Variants in CCPG1 observed in about 807,000 individuals in gnomAD.
The protein encoded by CCPG1 is cell cycle progression 1.
In CCPG1, 46 loss-of-function variants were observed where a neutral mutation model predicts 81.3. The ratio of observed to expected loss-of-function variants is 0.57; its 90% CI spans 0.45 to 0.72. The LOEUF is 0.72. Among genes scored for constraint, CCPG1 ranks in the 30% least tolerant of loss-of-function variants. The pLI is 0.00. For missense variants in CCPG1, 902 were observed against 937.6 expected, an observed-to-expected ratio of 0.96 and a Z score of 0.50; for synonymous variants, 330 against 305.2, an observed-to-expected ratio of 1.08 and a Z score of -0.85.
chr15:55,383,288 C>T (rs756517579), intron 3 of CCPG1, among the ~76,000 whole-genome samples: 7 of 152,308 alleles, frequency 4.6e-5, no homozygotes, highest in Non-Finnish European at 1.0e-4. Flanking sequence ...GGTCTCAACA[C>T]TGAGCTTAAA....
chr15:55,363,779 C>T (rs1179294614), intron 7 of CCPG1, among the ~76,000 whole-genome samples: 3 of 140,212 alleles, frequency 2.1e-5, no homozygotes, highest in African/African-American at 8.1e-5. Context: ...AAAACAATAG[C>T]TTACTTTTCT....
intron 1 of CCPG1, among the ~76,000 whole-genome samples, chr15:55,393,228 C>T (rs1017742674): frequency 3.3e-5 from 5 of 152,118 alleles, no homozygotes; most frequent in South Asian, 2.1e-4. Context: ...TGAGGCCAGG[C>T]GTTCAAGACC....
chr15:55,357,536 T>C lies in CCPG1; in HGVS notation c.2235-1127A>G, dbSNP rs1013856990. On this transcript the variant is annotated intron_variant, in intron 8 of 8. Transcript: ENST00000442196. ...TCAACTGTGGTCTGAAAATGTTAAA[T>C]AGAAAATTTCAGAAATAATTCATCA... The C allele has an allele frequency of 1.4e-5, 9 of 652,604 alleles. No individual in the cohort carries two copies. In the African/African-American group the frequency reaches 1.6e-4, roughly 11 times the overall value. The allele number at this position is 652,604 out of a possible 1,614,324, so 40.4% of individuals were successfully genotyped here. A position where few individuals can be genotyped will look rare whatever the true frequency, so the allele number is the denominator to read the frequency against.
intron 4 of CCPG1, 134 bp from the exon 5 acceptor site, chr15:55,377,284 A>C: frequency 1.5e-6 from 1 of 659,838 alleles, no homozygotes; most frequent in Non-Finnish European, 2.6e-6. Flanking sequence ...CTATTAGTAA[A>C]GAATTATGCA....
intron 5 of CCPG1, chr15:55,372,994 C>A (rs771606673): frequency 1.9e-6 from 1 of 534,670 alleles, no homozygotes; most frequent in Non-Finnish European, 3.8e-6. Flanking sequence ...ATTTTACCCT[C>A]TAGTAAATAT....
rs1168349210 is a variant in CCPG1 at position 55,356,390 on chromosome 15, G to A, written c.2254C>T (p.Arg752Cys). 3.9e-6 allele frequency: 6 copies of A among 1,531,058 alleles called. No individual in the cohort carries two copies. The highest frequency in any genetic ancestry group is 5.2e-6 in the Non-Finnish European group (6 of 1,145,618). 94.8% of individuals were successfully genotyped at this position (1,531,058 alleles called of 1,614,324 possible). The change falls in exon 9 of 9, where the codon CGT becomes TGT. Residue 752 changes from arginine to cysteine, a missense_variant. Transcript: ENST00000442196. ...YGPSRPDKKQRMVNIENSRHR... is the reference protein window; with the variant it reads ...YGPSRPDKKQCMVNIENSRHR... Reference sequence around the variant, plus strand: ...CTGGAGTTTTCAATATTTACCATACGTTGCTTTTTATCAGGTCGACTGAAA... The same window carrying A: ...CTGGAGTTTTCAATATTTACCATACATTGCTTTTTATCAGGTCGACTGAAA...
At chr15:55,387,141 AG>A (rs1362763339) in intron 2 of CCPG1, among the ~76,000 whole-genome samples, 1 of 152,222 alleles carries the variant, frequency 6.6e-6, no homozygotes, top group African/African-American at 2.4e-5. Context: ...CAGATATAGA[AG>A]AAGAGAGATA....
At chr15:55,356,736 G>A (rs940733222) in intron 8 of CCPG1, 9 of 1,037,910 alleles carry the variant, frequency 8.7e-6, no homozygotes, top group African/African-American at 6.8e-5. Flanking sequence ...GTCCCTCCCC[G>A]CTGGCTTTAT....
In CCPG1 at chr15:55,365,131, A is replaced by G. The variant is rs78245566; in HGVS notation, c.828+57T>C. ...TGCACTAATAAGCACAATAAGCTCT[A>G]ACTAATAAGCAAAATAATTACTAAC... On this transcript the variant is annotated intron_variant, in intron 7 of 8. Transcript: ENST00000442196. The G allele has an allele frequency of 8.7e-4, 925 of 1,061,024 alleles. 5 individuals are homozygous for G. Among genetic ancestry groups the G allele is most frequent in the Admixed American group, 3.7e-3 (154 of 41,764 alleles). The allele number at this position is 1,061,024 out of a possible 1,614,324, so 65.7% of individuals were successfully genotyped here.
intron 7 of CCPG1, among the ~76,000 whole-genome samples, chr15:55,362,896 T>A (rs775088793): frequency 6.6e-6 from 1 of 151,474 alleles, no homozygotes; most frequent in African/African-American, 2.4e-5. Flanking sequence ...AAAAACCAAG[T>A]TGGACATGGT....
intron 1 of CCPG1, among the ~76,000 whole-genome samples, chr15:55,406,448 TTG>T (rs1566987873): frequency 7.6e-6 from 1 of 132,060 alleles, no homozygotes; most frequent in African/African-American, 2.8e-5. Flanking sequence ...TTTTTTTTTT[TTG>T]TTTTTTTTTT....
At chr15:55,406,436 C>CTTTTTTTTTTTTTT (rs143238270) in intron 1 of CCPG1, among the ~76,000 whole-genome samples, 93 of 126,246 alleles carry the variant, frequency 7.4e-4, no homozygotes, top group East Asian at 9.4e-4. Context: ...TTCTTTTTCT[C>CTTTTTTTTTTTTTT]TTTTTTTTTT....
At chr15:55,371,731 C>T in intron 6 of CCPG1, 62 bp downstream of exon 6, 1 of 1,484,164 alleles carries the variant, frequency 6.7e-7, no homozygotes, top group East Asian at 2.3e-5. Context: ...CAAGAGTCCT[C>T]ACTCTTAAGT....
At position 55,398,040 on chromosome 15, in the gene CCPG1, T is replaced by C. The variant is rs942795933; in HGVS notation, c.-9-8607A>G. ...GGTTTGGGGCATTTTAAATCTGAGA[T>C]AGTTATTATCACATCCAAGAGGAAA... On this transcript the variant is annotated intron_variant, in intron 1 of 8. Coordinates refer to ENST00000442196, the MANE Select transcript of CCPG1 (RefSeq NM_001204450.2). Among the ~76,000 whole-genome samples the C allele has an allele frequency of 3.3e-5, 5 of 152,040 alleles. No individual in the cohort carries two copies. In the South Asian group the frequency reaches 8.3e-4, roughly 25 times the overall value.
intron 1 of CCPG1, among the ~76,000 whole-genome samples, chr15:55,407,243 T>A (rs758176638): frequency 0.021 from 2,872 of 133,698 alleles, 68 homozygotes; most frequent in African/African-American, 0.056. Context: ...AAAAAAAAAA[T>A]ATGAATTAAA....
chr15:55,391,895 G>C lies in CCPG1; in HGVS notation c.-9-2462C>G, dbSNP rs868449835. Among the ~76,000 whole-genome samples the C allele has an allele frequency of 4.6e-4, 56 of 121,232 alleles. 1 individual carries two copies. Among genetic ancestry groups the C allele is most frequent in the South Asian group, 1.9e-3 (6 of 3,090 alleles). 79.5% of individuals were successfully genotyped at this position (121,232 alleles called of 152,430 possible). On this transcript the variant is annotated intron_variant, in intron 1 of 8. Coordinates refer to ENST00000442196, the MANE Select transcript of CCPG1 (RefSeq NM_001204450.2). ...TTTAAAAAAAAAAAAAAAGGGGGGG[G>C]GGGGCTAGGTGTGGTAGCTCACGTC...
At chr15:55,388,841 C>G (rs1185392280) in intron 2 of CCPG1, among the ~76,000 whole-genome samples, 1 of 150,916 alleles carries the variant, frequency 6.6e-6, no homozygotes, top group Admixed American at 6.6e-5. Flanking sequence ...GAAGCCGAGG[C>G]AGATGGATCA....
chr15:55,405,254 C>T (rs1252788411), intron 1 of CCPG1, among the ~76,000 whole-genome samples: 5 of 152,070 alleles, frequency 3.3e-5, no homozygotes, highest in East Asian at 1.9e-4. Context: ...CCCAGCTACT[C>T]GGGAGGGTGA....
intron 6 of CCPG1, among the ~76,000 whole-genome samples, chr15:55,366,708 G>C (rs750235284): frequency 9.2e-5 from 14 of 152,130 alleles, no homozygotes; most frequent in Non-Finnish European, 1.3e-4. Flanking sequence ...GGAGGTGGAG[G>C]TTGTGGTGAG....
Sources: allele counts gnomAD v4.1 joint callset (sites outside exome capture counted in the v4.1 genomes callset), GRCh38; gene constraint gnomAD v4.1.1; transcripts MANE v1.5; gene names NCBI Gene and HGNC (gene_info 2026-07-23, HGNC 2026-07-21).